Variants in TTC39B observed in about 807,000 individuals in gnomAD.
TTC39B encodes tetratricopeptide repeat protein 39B.
Under a neutral mutation model 96.6 loss-of-function variants are expected in TTC39B, and 92 were observed. That is an observed-to-expected ratio of 0.95 (90% CI 0.80 to 1.13). TTC39B has a LOEUF of 1.13. TTC39B is among the 50% of genes most tolerant of loss of function. The pLI is 0.00. For missense variants in TTC39B, 955 were observed against 809.3 expected (o/e 1.18, Z -2.18); for synonymous variants, 367 against 299.4 (o/e 1.23, Z -2.33).
Position 15,184,371 on chromosome 9 carries a change from A to G in TTC39B, c.1614+909T>C, listed in dbSNP as rs1007979187. Among the ~76,000 whole-genome samples, 4 of 152,004 alleles carry G rather than the reference A, an allele frequency of 2.6e-5. 1 individual carries two copies. Among genetic ancestry groups the G allele is most frequent in the Admixed American group, 2.0e-4 (3 of 15,262 alleles). ...TGCAGTGTATAATTGTAAAAACTGG[A>G]AAAATCTAAATAACTGTCAAAGAGG... On this transcript the variant is annotated intron_variant, in intron 16 of 19. Coordinates refer to ENST00000512701, the Ensembl canonical transcript of TTC39B.
At chr9:15,238,396 G>A (rs565735629) in intron 2 of TTC39B, among the ~76,000 whole-genome samples, 30 of 152,090 alleles carry the variant, frequency 2.0e-4, no homozygotes, top group Non-Finnish European at 3.1e-4. Flanking sequence ...AGAAAACCCC[G>A]AAGACTCCTC....
At chr9:15,252,537 A>C (rs1316531684) in intron 2 of TTC39B, among the ~76,000 whole-genome samples, 1 of 152,128 alleles carries the variant, frequency 6.6e-6, no homozygotes, top group African/African-American at 2.4e-5. Flanking sequence ...AATCCCAGCT[A>C]CTTGGGAGGC....
chr9:15,265,847 C>G (rs1823111533), intron 2 of TTC39B, among the ~76,000 whole-genome samples: 1 of 152,122 alleles, frequency 6.6e-6, no homozygotes, highest in South Asian at 2.1e-4. Context: ...GGGGGAAAAA[C>G]AGACCAATCT....
intron 1 of TTC39B, among the ~76,000 whole-genome samples, chr9:15,287,683 T>C (rs1824022275): frequency 6.6e-6 from 1 of 151,634 alleles, no homozygotes; most frequent in Non-Finnish European, 1.5e-5. Context: ...AAGAAAACCT[T>C]TAGGGAAAAA....
chr9:15,301,755 C>CAA (rs369735597), intron 1 of TTC39B, among the ~76,000 whole-genome samples: 1 of 101,586 alleles, frequency 9.8e-6, no homozygotes, highest in African/African-American at 3.7e-5. Context: ...GAGTCCATCT[C>CAA]AAAAAAAAAA....
chr9:15,253,514 T>C (rs767589673), intron 2 of TTC39B, among the ~76,000 whole-genome samples: 4 of 152,208 alleles, frequency 2.6e-5, no homozygotes, highest in African/African-American at 4.8e-5. Context: ...ACTTCAGACA[T>C]CTGACCTCCA....
intron 3 of TTC39B, among the ~76,000 whole-genome samples, chr9:15,225,267 A>C (rs1028272385): frequency 9.2e-5 from 14 of 152,180 alleles, no homozygotes; most frequent in African/African-American, 3.4e-4. Flanking sequence ...TTAAGAAAAA[A>C]ATTTAATATC....
At chr9:15,303,423 T>A (rs1587044352) in intron 1 of TTC39B, among the ~76,000 whole-genome samples, 1 of 149,292 alleles carries the variant, frequency 6.7e-6, no homozygotes, top group Admixed American at 6.7e-5. Flanking sequence ...CAGGCTGGAG[T>A]GCAGTGGCAT....
intron 1 of TTC39B, among the ~76,000 whole-genome samples, chr9:15,292,565 G>C (rs1270763988): frequency 6.6e-6 from 1 of 152,060 alleles, no homozygotes; most frequent in Non-Finnish European, 1.5e-5. Flanking sequence ...ACAGCCTCAG[G>C]CAGGTCCTTC....
chr9:15,201,445 C>A (rs956465283), intron 7 of TTC39B, among the ~76,000 whole-genome samples: 5 of 152,068 alleles, frequency 3.3e-5, no homozygotes, highest in Non-Finnish European at 7.4e-5. Context: ...CATGAGAACA[C>A]AAAGTAGTGG....
chr9:15,222,206 C>T (rs1820882662), intron 3 of TTC39B, among the ~76,000 whole-genome samples: 1 of 152,192 alleles, frequency 6.6e-6, no homozygotes, highest in Admixed American at 6.5e-5. Flanking sequence ...TGGCACTCTT[C>T]TAACACAAAG....
chr9:15,269,715 C>T (rs1282671771), intron 1 of TTC39B, among the ~76,000 whole-genome samples: 4 of 148,754 alleles, frequency 2.7e-5, no homozygotes, highest in East Asian at 2.0e-4. Context: ...ATTAGCTGGG[C>T]GTGGTGACAT....
chr9:15,216,715 A>G (rs1214162633), intron 3 of TTC39B, among the ~76,000 whole-genome samples: 2 of 152,080 alleles, frequency 1.3e-5, no homozygotes, highest in African/African-American at 4.8e-5. Context: ...CCCTCATCAA[A>G]TATTTGCCTA....
chr9:15,172,595 G>A (rs979188204), intron 19 of TTC39B, among the ~76,000 whole-genome samples: 2 of 152,138 alleles, frequency 1.3e-5, no homozygotes, highest in African/African-American at 4.8e-5. Context: ...ATTCTCACAT[G>A]TAAATATCAA....
intron 16 of TTC39B, chr9:15,183,327 T>G: frequency 2.3e-6 from 1 of 431,126 alleles, no homozygotes; most frequent in Middle Eastern, 5.3e-4. Context: ...AAGAGTTCAA[T>G]TCAATAACAG....
intron 10 of TTC39B, 70 bp downstream of exon 10, chr9:15,191,120 C>T (rs770562642): frequency 2.4e-5 from 25 of 1,050,548 alleles, no homozygotes; most frequent in Non-Finnish European, 3.4e-5. Context: ...AGACATGTTG[C>T]ATTGCCCTCA....
intron 6 of TTC39B, among the ~76,000 whole-genome samples, chr9:15,205,088 C>G (rs546463160): frequency 1.3e-5 from 2 of 152,286 alleles, no homozygotes; most frequent in South Asian, 2.1e-4. Context: ...ACCTCGTCCC[C>G]TCTCTGCTGG....
intron 7 of TTC39B, among the ~76,000 whole-genome samples, chr9:15,202,925 A>G (rs561341419): frequency 2.0e-4 from 30 of 152,350 alleles, no homozygotes; most frequent in South Asian, 4.1e-4. Flanking sequence ...TACTGACTGT[A>G]TCAGTTCCCA....
chr9:15,212,625 C>T (rs1409012113), intron 4 of TTC39B, among the ~76,000 whole-genome samples: 1 of 152,062 alleles, frequency 6.6e-6, no homozygotes, highest in Non-Finnish European at 1.5e-5. Context: ...CAGGGTTTCT[C>T]CCTGTTGGTC....
Sources: gnomAD v4.1 joint callset for allele counts (sites outside exome capture counted in the v4.1 genomes callset) on GRCh38, gnomAD v4.1.1 for gene constraint, MANE v1.5 for transcripts, NCBI Gene and HGNC (gene_info 2026-07-23, HGNC 2026-07-21) for gene names.